Variants in CHST4 observed in about 807,000 individuals in gnomAD.
CHST4 encodes the protein GST-3.
For synonymous variants in CHST4, 171 were observed against 195.5 expected (o/e 0.87, Z 1.05); for missense variants, 466 against 506.0 (o/e 0.92, Z 0.76).
chr16:71,530,476 GAT>G (rs2043939822), intron 1 of CHST4, among the ~76,000 whole-genome samples: 1 of 152,044 alleles, frequency 6.6e-6, no homozygotes, highest in Admixed American at 6.5e-5. Context: ...GCTTTAAAAA[GAT>G]ATTTTGGCCA....
intron 1 of CHST4, among the ~76,000 whole-genome samples, chr16:71,529,893 A>T (rs1335253606): frequency 6.6e-6 from 1 of 152,160 alleles, no homozygotes; most frequent in East Asian, 1.9e-4. Context: ...CACACCTGTG[A>T]TCCCAGCACT....
At chr16:71,526,353 A>C (rs1305053888), upstream of CHST4, 1 of 152,050 alleles carries the variant, frequency 6.6e-6, no homozygotes, top group Non-Finnish European at 1.5e-5. Flanking sequence ...AGGGACAGTG[A>C]AATGTGCTCT....
In CHST4 at chr16:71,537,301, G is replaced by C; in HGVS notation, c.624G>C (p.Arg208=). The change falls in exon 2 of 2, where the codon CGG becomes CGC. Residue 208 remains arginine, a synonymous_variant. Transcript: ENST00000539698. This position sits in a 1 kb window ranked among gnomAD's most constrained non-coding sequence, Gnocchi z 4.2. ...TCGTGCACCTGGTCCGGGACCCCCG[G>C]GCCGTGTTCCGTTCCCGAGAACGCA... ...LHIVHLVRDP[R]AVFRSRERTK... is the part of the protein sequence containing the mutation. 1 of 1,614,160 alleles carries C rather than the reference G, an allele frequency of 6.2e-7. No homozygotes were observed. Among genetic ancestry groups the C allele is most frequent in the Non-Finnish European group, 8.5e-7 (1 of 1,180,034 alleles).
chr16:71,536,248 A>T (rs1351460973), intron 1 of CHST4, among the ~76,000 whole-genome samples: 1 of 152,202 alleles, frequency 6.6e-6, no homozygotes, highest in African/African-American at 2.4e-5. Context: ...CTCTGCAGGA[A>T]TCACAAGCCA....
At chr16:71,534,203 AT>A (rs2043969918) in intron 1 of CHST4, among the ~76,000 whole-genome samples, 1 of 151,868 alleles carries the variant, frequency 6.6e-6, no homozygotes, top group Non-Finnish European at 1.5e-5. Flanking sequence ...TTTCAAAATA[AT>A]TTGAATCATG....
intron 1 of CHST4, among the ~76,000 whole-genome samples, chr16:71,535,843 T>C (rs532628125): frequency 1.3e-5 from 2 of 152,286 alleles, no homozygotes; most frequent in South Asian, 4.1e-4. Flanking sequence ...AAGGTCGACA[T>C]TGGATCAACT....
chr16:71,528,252 A>C (rs2043922596), intron 1 of CHST4, among the ~76,000 whole-genome samples: 1 of 98,838 alleles, frequency 1.0e-5, no homozygotes, highest in Admixed American at 1.0e-4. Context: ...TTCATTTCAA[A>C]AAAAAAAAAA....
chr16:71,537,034 A>T lies in CHST4; in HGVS notation c.357A>T (p.Arg119Ser), dbSNP rs542061755. 4.8e-5 allele frequency: 77 copies of T among 1,614,142 alleles called. No individual in the cohort carries two copies. In the East Asian group the frequency reaches 1.7e-3, roughly 36 times the overall value. ...CCTACATGGAACCTGGTCCCCGGAG[A>T]CAGTCCAGCCTCTTTCAGTGGGAGA... ...FDAYMEPGPR[R>S]QSSLFQWENS... The change falls in exon 2 of 2, where the codon AGA becomes AGT. Residue 119 changes from arginine to serine, a missense_variant. Arg to Ser is a moderately radical substitution (Grantham distance 110). Coordinates refer to ENST00000539698, the MANE Select transcript of CHST4 (RefSeq NM_001166395.2). The surrounding 1 kb of genome is among the most constrained non-coding windows in gnomAD (Gnocchi z 4.2).
chr16:71,537,385 CAAG>C lies in CHST4; in HGVS notation c.712_714del (p.Lys238del), dbSNP rs771204631. 1.6e-5 allele frequency: 26 copies of C among 1,614,028 alleles called. No individual in the cohort carries two copies. Among genetic ancestry groups the C allele is most frequent in the East Asian group, 2.2e-5 (1 of 44,894 alleles). On this transcript the variant is annotated inframe_deletion, in exon 2 of 2. Coordinates refer to ENST00000539698, the MANE Select transcript of CHST4 (RefSeq NM_001166395.2). This position sits in a 1 kb window ranked among gnomAD's most constrained non-coding sequence, Gnocchi z 4.2. Reference sequence around the variant, plus strand: ...TGATGGGGCAGCATGAGCAAAAACTCAAGAAGGAGGACCAACCCTACTATGTGA... The same window carrying C: ...TGATGGGGCAGCATGAGCAAAAACTCAAGGAGGACCAACCCTACTATGTGA...
rs781243622 is a variant in CHST4 at position 71,537,506 on chromosome 16, G to C, written c.829G>C (p.Glu277Gln). 6.2e-7 allele frequency: 1 copy of C among 1,614,176 alleles called. No individual in the cohort carries two copies. Among genetic ancestry groups the C allele is most frequent in the Non-Finnish European group, 8.5e-7 (1 of 1,180,042 alleles). Reference sequence around the variant, plus strand: ...GGAACGCTACCTGCTTGTGCGCTATGAGGACCTGGCTCGAGCCCCTGTGGC... The same window carrying C: ...GGAACGCTACCTGCTTGTGCGCTATCAGGACCTGGCTCGAGCCCCTGTGGC... The part of the protein sequence containing the change: ...LQERYLLVRY[E>Q]DLARAPVAQT... The change falls in exon 2 of 2, where the codon GAG (glutamate) becomes CAG (glutamine). Residue 277 changes from glutamate to glutamine, a missense_variant. Physicochemically the swap from Glu to Gln is conservative, Grantham distance 29. Transcript: ENST00000539698. The surrounding 1 kb of genome is among the most constrained non-coding windows in gnomAD (Gnocchi z 4.2).
rs577296376 is a variant in CHST4, at chr16:71,536,523, G to A, written c.-18-137G>A. The stretch of plus-strand genomic sequence containing the variant: ...GATTTGGAGAAGGACTGGTGCCATT[G>A]TTGGCACGAATCCTCTGGCTTTCCA... On this transcript the variant is annotated intron_variant, in intron 1 of 1. Transcript: ENST00000539698. The A allele has an allele frequency of 6.1e-6, 3 of 487,856 alleles. No homozygotes were observed. The Admixed American group carries it at 1.1e-4, about 18-fold the overall frequency. 30.2% of individuals were successfully genotyped at this position (487,856 alleles called of 1,614,324 possible).
chr16:71,537,052 G>T lies in CHST4; in HGVS notation c.375G>T (p.Gln125His). The T allele has an allele frequency of 6.2e-7, 1 of 1,614,164 alleles. No homozygotes were observed. The highest frequency in any genetic ancestry group is 8.5e-7 in the Non-Finnish European group (1 of 1,180,036). ...CCCGGAGACAGTCCAGCCTCTTTCAGTGGGAGAACAGCCGGGCCCTGTGTT... is the reference window on the plus strand; with the variant it reads ...CCCGGAGACAGTCCAGCCTCTTTCATTGGGAGAACAGCCGGGCCCTGTGTT... ...PGPRRQSSLFQWENSRALCSA... is the reference protein window; with the variant it reads ...PGPRRQSSLFHWENSRALCSA... Residue 125 changes from glutamine (Q) to histidine (H), a missense_variant, in exon 2 of 2, where the codon CAG (glutamine) becomes CAT (histidine). Gln to His is a conservative substitution (Grantham distance 24). Coordinates refer to ENST00000539698, the MANE Select transcript of CHST4 (RefSeq NM_001166395.2). The surrounding 1 kb of genome is among the most constrained non-coding windows in gnomAD (Gnocchi z 4.2).
chr16:71,537,657 C>T lies in CHST4; in HGVS notation c.980C>T (p.Ala327Val). The T allele has an allele frequency of 6.2e-7, 1 of 1,614,200 alleles. No individual in the cohort carries two copies. Among genetic ancestry groups the T allele is most frequent in the South Asian group, 1.1e-5 (1 of 91,088 alleles). Residue 327 changes from alanine (A) to valine (V), a missense_variant, in exon 2 of 2, where the codon GCC becomes GTC. Coordinates refer to ENST00000539698, the MANE Select transcript of CHST4 (RefSeq NM_001166395.2). The surrounding 1 kb of genome is among the most constrained non-coding windows in gnomAD (Gnocchi z 4.2). ...DHAFHTNARDALNVSQAWRWS... is the reference protein window; with the variant it reads ...DHAFHTNARDVLNVSQAWRWS... Reference sequence around the variant, plus strand: ...GCTTTCCACACAAATGCCAGGGATGCCCTTAATGTCTCCCAGGCTTGGCGC... The same window carrying T: ...GCTTTCCACACAAATGCCAGGGATGTCCTTAATGTCTCCCAGGCTTGGCGC...
At chr16:71,526,582 CT>C (rs754764786) in intron 1 of CHST4, 87 bp downstream of exon 1, 4 of 152,190 alleles carry the variant, frequency 2.6e-5, no homozygotes, top group Non-Finnish European at 5.9e-5. Flanking sequence ...CCTCTGGCAG[CT>C]AAGCTAGAGA....
At chr16:71,527,607 G>T (rs1370130261) in intron 1 of CHST4, among the ~76,000 whole-genome samples, 1 of 152,068 alleles carries the variant, frequency 6.6e-6, no homozygotes, top group Non-Finnish European at 1.5e-5. Context: ...AAAATTAGCT[G>T]GGCATGGTGG....
At chr16:71,528,649 G>GT (rs2145201067) in intron 1 of CHST4, among the ~76,000 whole-genome samples, 1 of 152,292 alleles carries the variant, frequency 6.6e-6, no homozygotes, top group East Asian at 1.9e-4. Context: ...TTTGCTCAAG[G>GT]TATCTTCTGC....
chr16:71,536,580 G>T, intron 1 of CHST4, 80 bp from the exon 2 acceptor site: 1 of 1,068,178 alleles, frequency 9.4e-7, no homozygotes, highest in Non-Finnish European at 1.3e-6. Context: ...CAGAGAGCAG[G>T]TGGCTTTGGC....
At chr16:71,532,603 C>G (rs1003254439) in intron 1 of CHST4, among the ~76,000 whole-genome samples, 1 of 152,136 alleles carries the variant, frequency 6.6e-6, no homozygotes, top group Non-Finnish European at 1.5e-5. Flanking sequence ...AAGGAAAACC[C>G]ACGAGCTGGC....
At chr16:71,532,419 G>A (rs537133756) in intron 1 of CHST4, among the ~76,000 whole-genome samples, 6 of 152,226 alleles carry the variant, frequency 3.9e-5, no homozygotes, top group African/African-American at 9.6e-5. Context: ...ATTTTCTGCC[G>A]TACAGCAAGT....
Sources: allele counts gnomAD v4.1 joint callset (sites outside exome capture counted in the v4.1 genomes callset), GRCh38; gene constraint gnomAD v4.1.1; non-coding constraint Gnocchi (gnomAD v3.1); transcripts MANE v1.5; gene names NCBI Gene and HGNC (gene_info 2026-07-23, HGNC 2026-07-21).